Variants in GPR179 observed in about 807,000 individuals in gnomAD.
GPR179 encodes G protein-coupled receptor 179, also known as probable G protein-coupled receptor 179.
Under a neutral mutation model 70.8 loss-of-function variants are expected in GPR179, and 52 were observed. The observed-to-expected ratio is 0.73, with a 90% CI of 0.59 to 0.93. GPR179 has a LOEUF of 0.93. Among genes scored for constraint, GPR179 ranks in the 40% least tolerant of loss-of-function variants. The probability of loss-of-function intolerance (pLI) is 0.00; values close to 1 mark genes in which losing one functional copy is unlikely to be tolerated. For synonymous variants in GPR179, 1,123 were observed against 1,169.0 expected, an observed-to-expected ratio of 0.96 and a Z score of 0.80; for missense variants, 2,734 against 2,966.8, an observed-to-expected ratio of 0.92 and a Z score of 1.82.
Position 38,337,655 on chromosome 17 carries a change from G to GATCTACAC in GPR179, c.968_969insGTGTAGAT (p.Phe323LeufsTer13). ...TACCCCCAGAGGGGCTTGCCCCGTA[G>GATCTACAC]AATCCAGGTCGGCAGCGGCAGAGGT... is the stretch of plus-strand genomic sequence containing the variant. On this transcript the variant is annotated frameshift_variant, in exon 3 of 11. Transcript: ENST00000616987. LOFTEE classifies it high-confidence loss of function. 3 of 1,606,114 alleles carry GATCTACAC rather than the reference G, an allele frequency of 1.9e-6. No homozygotes were observed. Among genetic ancestry groups the GATCTACAC allele is most frequent in the South Asian group, 1.1e-5 (1 of 89,914 alleles).
At position 38,331,106 on chromosome 17, in the gene GPR179, G is replaced by T. The variant is rs1262662525; in HGVS notation, c.2463C>A (p.His821Gln). The T allele has an allele frequency of 5.0e-6, 8 of 1,602,272 alleles. No homozygotes were observed. The highest frequency in any genetic ancestry group is 4.5e-5 in the East Asian group (2 of 44,758). The change falls in exon 11 of 11, where the codon CAC (histidine) becomes CAA (glutamine). Residue 821 changes from histidine to glutamine, a missense_variant. By Grantham distance (24) the His-to-Gln change is conservative. Transcript: ENST00000616987. The stretch of plus-strand genomic sequence containing the variant: ...GTAGCCTCTCTCCCACCGTCAGGTT[G>T]TGGGCGCTGGCTGACCTGAAGCCCA... Reference protein sequence around the residue: ...PALGFRSASAHNLTVGERLPR... With the variant: ...PALGFRSASAQNLTVGERLPR...
At chr17:38,338,774 G>A (rs573547270) in intron 2 of GPR179, among the ~76,000 whole-genome samples, 24 of 152,224 alleles carry the variant, frequency 1.6e-4, no homozygotes, top group Non-Finnish European at 3.4e-4. Context: ...TGGAGCGGGT[G>A]AATTCACTGG....
chr17:38,332,377 T>G (rs970887295), intron 10 of GPR179, among the ~76,000 whole-genome samples: 2 of 152,228 alleles, frequency 1.3e-5, no homozygotes, highest in African/African-American at 4.8e-5. Flanking sequence ...TCTTACCCAC[T>G]GAGCCTCTTG....
chr17:38,331,545 G>A lies in GPR179; in HGVS notation c.2038-14C>T. On this transcript the variant is annotated splice_polypyrimidine_tract_variant and intron_variant, in intron 10 of 10. Transcript: ENST00000616987. ...CTTCAGCTCGTCCTGTGGGGCAGCAGGGAGGAAAGCAGGGCTGCAGGTGAG... is the reference window on the plus strand; with the variant it reads ...CTTCAGCTCGTCCTGTGGGGCAGCAAGGAGGAAAGCAGGGCTGCAGGTGAG... 1.3e-6 allele frequency: 2 copies of A among 1,588,060 alleles called. No homozygotes were observed. The highest frequency in any genetic ancestry group is 8.6e-7 in the Non-Finnish European group (1 of 1,163,772).
rs2037311552 is a variant in GPR179 at position 38,328,354 on chromosome 17, C to T, written c.5215G>A (p.Gly1739Arg). ...NDTGKVSADL[G>R]PRERAVTAPE... Reference sequence around the variant, plus strand: ...GCAGTAACAGCTCTCTCCCTGGGTCCAAGATCTGCAGAAACCTTGCCTGTA... The same window carrying T: ...GCAGTAACAGCTCTCTCCCTGGGTCTAAGATCTGCAGAAACCTTGCCTGTA... Residue 1739 changes from glycine (G) to arginine (R), a missense_variant, in exon 11 of 11, where the codon GGA becomes AGA. Physicochemically the swap from Gly to Arg is moderately radical, Grantham distance 125. Coordinates refer to ENST00000616987, the MANE Select transcript of GPR179 (RefSeq NM_001004334.4). 2 of 1,613,920 alleles carry T rather than the reference C, an allele frequency of 1.2e-6. No individual in the cohort carries two copies. The highest frequency in any genetic ancestry group is 1.7e-6 in the Non-Finnish European group (2 of 1,179,982).
Position 38,327,638 on chromosome 17 carries a change from A to G in GPR179, c.5931T>C (p.Pro1977=), listed in dbSNP as rs754656963. Residue 1977 remains proline, a synonymous_variant, in exon 11 of 11, where the codon CCT becomes CCC. Transcript: ENST00000616987. ...DSVSHLDRQR[P]DQPKASSQRL... ...TCTGGGAGCTAGCTTTAGGTTGGTC[A>G]GGGCGCTGTCTGTCTAGGTGAGAGA... 6 of 1,614,178 alleles carry G rather than the reference A, an allele frequency of 3.7e-6. No homozygotes were observed. The highest frequency in any genetic ancestry group is 5.1e-6 in the Non-Finnish European group (6 of 1,180,034).
chr17:38,336,005 G>C, intron 5 of GPR179, 71 bp downstream of exon 5: 1 of 1,074,604 alleles, frequency 9.3e-7, no homozygotes, highest in Non-Finnish European at 1.5e-6. Context: ...GGGTTCTGGG[G>C]CTTGGAGGGT....
intron 10 of GPR179, among the ~76,000 whole-genome samples, chr17:38,332,005 T>C (rs373151895): frequency 6.3e-4 from 96 of 152,338 alleles, no homozygotes; most frequent in African/African-American, 2.1e-3. Context: ...AGAAGTCTTC[T>C]GTTCTGGGTT....
Position 38,329,147 on chromosome 17 carries a change from C to A in GPR179, c.4422G>T (p.Gln1474His), listed in dbSNP as rs143226176. 9.3e-6 allele frequency: 15 copies of A among 1,614,046 alleles called. No homozygotes were observed. In the East Asian group the frequency reaches 3.3e-4, roughly 36 times the overall value. ...LWEAGDAPAI[Q>H]KAEICPWELD... is the part of the protein sequence containing the mutation. ...GCTCCCAGGGACAGATCTCTGCTTT[C>A]TGGATAGCAGGAGCATCTCCTGCCT... Residue 1474 changes from glutamine to histidine, a missense_variant, in exon 11 of 11, where the codon CAG becomes CAT. Coordinates refer to ENST00000616987, the MANE Select transcript of GPR179 (RefSeq NM_001004334.4).
In GPR179 at chr17:38,330,820, A is replaced by G; in HGVS notation, c.2749T>C (p.Ser917Pro). The stretch of plus-strand genomic sequence containing the variant: ...CTAGCCTCCTCATGAAGCCTCCCAG[A>G]GGTGTGAGAGCTGTCCACGCTGCTG... Reference protein sequence around the residue: ...KSSSVDSSHTSGRLHEEARRR... With the variant: ...KSSSVDSSHTPGRLHEEARRR... The change falls in exon 11 of 11, where the codon TCT becomes CCT. Residue 917 changes from serine to proline, a missense_variant. Transcript: ENST00000616987. The G allele has an allele frequency of 1.2e-6, 2 of 1,606,610 alleles. No individual in the cohort carries two copies. The highest frequency in any genetic ancestry group is 1.7e-6 in the Non-Finnish European group (2 of 1,176,788).
chr17:38,336,924 C>A, intron 4 of GPR179, 54 bp downstream of exon 4: 1 of 1,515,282 alleles, frequency 6.6e-7, no homozygotes, highest in Non-Finnish European at 8.9e-7. Flanking sequence ...TAGTCTCAGG[C>A]CTCCAGTTGA....
In GPR179 at chr17:38,330,358, T is replaced by C; in HGVS notation, c.3211A>G (p.Lys1071Glu). 1 of 1,613,950 alleles carries C rather than the reference T, an allele frequency of 6.2e-7. No homozygotes were observed. The highest frequency in any genetic ancestry group is 8.5e-7 in the Non-Finnish European group (1 of 1,179,942). The change falls in exon 11 of 11, where the codon AAA becomes GAA. Residue 1071 changes from lysine (K) to glutamate (E), a missense_variant. By Grantham distance (56) the Lys-to-Glu change is moderately conservative. Transcript: ENST00000616987. ...ACAGGGGCCTTGAGGCTGTGGGATTTAGGGAAGATCTTGGGCCTGTCTTCG... is the reference window on the plus strand; with the variant it reads ...ACAGGGGCCTTGAGGCTGTGGGATTCAGGGAAGATCTTGGGCCTGTCTTCG... ...VDEDRPKIFPKSHSLKAPVQQ... is the reference protein window; with the variant it reads ...VDEDRPKIFPESHSLKAPVQQ...
rs1450464233 is a variant in GPR179 at position 38,325,009 on chromosome 17, C to G, written c.*1456G>C. Among the ~76,000 whole-genome samples the G allele has an allele frequency of 6.6e-6, 1 of 152,094 alleles. No homozygotes were observed. Among genetic ancestry groups the G allele is most frequent in the Non-Finnish European group, 1.5e-5 (1 of 68,030 alleles). On this transcript the variant is annotated 3_prime_UTR_variant, in exon 11 of 11. Transcript: ENST00000616987. ...GTCTTTTTCTCCCCATGAATGACATCAATGTCTGTACTGTTGTACTGTTAG... is the reference window on the plus strand; with the variant it reads ...GTCTTTTTCTCCCCATGAATGACATGAATGTCTGTACTGTTGTACTGTTAG...
At position 38,331,484 on chromosome 17, in the gene GPR179, C is replaced by T. The variant is rs2144264833; in HGVS notation, c.2085G>A (p.Lys695=). 6.2e-7 allele frequency: 1 copy of T among 1,613,860 alleles called. No individual in the cohort carries two copies. The highest frequency in any genetic ancestry group is 8.5e-7 in the Non-Finnish European group (1 of 1,179,820). ...GGTGGGGGTTGTTTGCGGCCATTTC[C>T]TTGGTTTTGTGGACCTCTAGCTGGG... ...LYAQLEVHKT[K]EMAANNPHLP... Residue 695 remains lysine, a synonymous_variant, in exon 11 of 11, where the codon AAG becomes AAA. Transcript: ENST00000616987.
rs200212196 is a variant in GPR179 at position 38,329,523 on chromosome 17, G to A, written c.4046C>T (p.Ala1349Val). 93 of 1,613,908 alleles carry A rather than the reference G, an allele frequency of 5.8e-5. No homozygotes were observed. The highest frequency in any genetic ancestry group is 1.6e-4 in the Middle Eastern group (1 of 6,062). Residue 1349 changes from alanine to valine, a missense_variant, in exon 11 of 11, where the codon GCG becomes GTG. By Grantham distance (64) the Ala-to-Val change is moderately conservative. Coordinates refer to ENST00000616987, the MANE Select transcript of GPR179 (RefSeq NM_001004334.4). ...DPGRIRDKSE[A>V]GDSVEARKVE... ...CTTCCTGGCCTCCACACTGTCCCCCGCCTCAGATTTGTCTCTGATTCTGCC... is the reference window on the plus strand; with the variant it reads ...CTTCCTGGCCTCCACACTGTCCCCCACCTCAGATTTGTCTCTGATTCTGCC...
At chr17:38,331,996 G>C (rs2037364576) in intron 10 of GPR179, among the ~76,000 whole-genome samples, 1 of 152,212 alleles carries the variant, frequency 6.6e-6, no homozygotes, top group Non-Finnish European at 1.5e-5. Flanking sequence ...CGGGGCTTTA[G>C]AAGTCTTCTG....
chr17:38,327,801 C>G lies in GPR179; in HGVS notation c.5768G>C (p.Gly1923Ala), dbSNP rs759212145. 17 of 1,614,018 alleles carry G rather than the reference C, an allele frequency of 1.1e-5. No homozygotes were observed. The Admixed American group carries it at 1.3e-4, about 13-fold the overall frequency. Residue 1923 changes from glycine (G) to alanine (A), a missense_variant, in exon 11 of 11, where the codon GGT (glycine) becomes GCT (alanine). Gly to Ala is a moderately conservative substitution (Grantham distance 60). Coordinates refer to ENST00000616987, the MANE Select transcript of GPR179 (RefSeq NM_001004334.4). The stretch of plus-strand genomic sequence containing the variant: ...TTGGGTTATGTGTTCTGGGAAGGAA[C>G]CTGTCTTTGGGTCTTGTCTCAGGTC... ...KGDLRQDPKTGSFPEHITQEK... is the reference protein window; with the variant it reads ...KGDLRQDPKTASFPEHITQEK...
Position 38,343,941 on chromosome 17 carries a change from C to T in GPR179, c.-152G>A, listed in dbSNP as rs2037475639. ...CCCTCTCACGCTGGTGCCAGCTCGCCTGCTTTTTTCTTCTCTCTAACGTCA... is the reference window on the plus strand; with the variant it reads ...CCCTCTCACGCTGGTGCCAGCTCGCTTGCTTTTTTCTTCTCTCTAACGTCA... On this transcript the variant is annotated 5_prime_UTR_variant, in exon 1 of 11. Transcript: ENST00000616987. The surrounding 1 kb of genome is among the most constrained non-coding windows in gnomAD (Gnocchi z 4.2). 7 of 624,786 alleles carry T rather than the reference C, an allele frequency of 1.1e-5. No homozygotes were observed. The highest frequency in any genetic ancestry group is 1.9e-5 in the African/African-American group (1 of 54,052). The allele number at this position is 624,786 out of a possible 1,614,324, so 38.7% of individuals were successfully genotyped here.
At chr17:38,342,621 G>A (rs543991296) in intron 1 of GPR179, among the ~76,000 whole-genome samples, 1 of 152,356 alleles carries the variant, frequency 6.6e-6, no homozygotes, top group South Asian at 2.1e-4. Flanking sequence ...TTACAGGCGT[G>A]AGCCACTGCA....
Sources: gnomAD v4.1 joint callset for allele counts (sites outside exome capture counted in the v4.1 genomes callset) on GRCh38, gnomAD v4.1.1 for gene constraint, Gnocchi (gnomAD v3.1) non-coding constraint, MANE v1.5 for transcripts, NCBI Gene and HGNC (gene_info 2026-07-23, HGNC 2026-07-21) for gene names.